Variants in CSMD1 observed in about 807,000 individuals in gnomAD.
The protein encoded by CSMD1 is CUB and Sushi multiple domains 1.
CSMD1 carries 213 observed loss-of-function variants against 417.5 expected under a neutral mutation model. The observed-to-expected ratio is 0.51, with a 90% CI of 0.46 to 0.57. The LOEUF (loss-of-function observed/expected upper bound fraction) is 0.57, where lower values mean the gene tolerates loss of function less well. CSMD1 is among the 20% of genes least tolerant of loss of function. The pLI is 0.00. For missense variants in CSMD1, 6,923 were observed against 4,529.7 expected (o/e 1.53, Z -15.17); for synonymous variants, 2,862 against 1,736.8 (o/e 1.65, Z -16.11).
intron 5 of CSMD1, among the ~76,000 whole-genome samples, chr8:3,854,445 C>A (rs138700902): frequency 3.3e-5 from 5 of 152,122 alleles, no homozygotes; most frequent in Non-Finnish European, 7.4e-5. Context: ...CCAAACAGTA[C>A]AACTTCAAAA....
chr8:4,368,516 C>T (rs1305218013), intron 3 of CSMD1, among the ~76,000 whole-genome samples: 1 of 152,104 alleles, frequency 6.6e-6, no homozygotes, highest in Non-Finnish European at 1.5e-5. Flanking sequence ...CCCTCTTTCT[C>T]AAATTTTTGG....
At chr8:4,983,196 A>G (rs1810992213) in intron 1 of CSMD1, among the ~76,000 whole-genome samples, 1 of 152,224 alleles carries the variant, frequency 6.6e-6, no homozygotes, top group Admixed American at 6.5e-5. Flanking sequence ...TATGTTGACA[A>G]GTTCTAGTCT....
chr8:4,934,688 TTATAATC>T (rs1807479472), intron 1 of CSMD1, among the ~76,000 whole-genome samples: 2 of 152,310 alleles, frequency 1.3e-5, no homozygotes, highest in South Asian at 4.1e-4. Context: ...ATCCATCTAC[TTATAATC>T]TATAATCTAT....
intron 11 of CSMD1, among the ~76,000 whole-genome samples, chr8:3,490,907 AAG>A (rs1818336271): frequency 6.6e-6 from 1 of 152,196 alleles, no homozygotes; most frequent in South Asian, 2.1e-4. Context: ...GTCAACAAAA[AAG>A]AGTCATTATT....
intron 2 of CSMD1, among the ~76,000 whole-genome samples, chr8:4,494,462 T>C (rs1030809191): frequency 6.6e-6 from 1 of 152,226 alleles, no homozygotes; most frequent in Non-Finnish European, 1.5e-5. Flanking sequence ...AACATTATTA[T>C]ACTTTCATGT....
intron 26 of CSMD1, among the ~76,000 whole-genome samples, chr8:3,230,695 G>T (rs79735704): frequency 0.02 from 3,017 of 152,184 alleles, 113 homozygotes; most frequent in African/African-American, 0.068. Context: ...AGATGCCAAG[G>T]GTGGAAGGTC....
At chr8:3,037,291 C>CATCTCCT in intron 50 of CSMD1, among the ~76,000 whole-genome samples, 1 of 95,846 alleles carries the variant, frequency 1.0e-5, no homozygotes, top group Non-Finnish European at 2.8e-5. Flanking sequence ...CTGCAAGCTC[C>CATCTCCT]GCCTCCTGGG....
Position 2,951,275 on chromosome 8 carries a change from A to T in CSMD1, c.10040T>A (p.Val3347Asp). 1 of 1,601,270 alleles carries T rather than the reference A, an allele frequency of 6.2e-7. No individual in the cohort carries two copies. Among genetic ancestry groups the T allele is most frequent in the Non-Finnish European group, 8.5e-7 (1 of 1,173,250 alleles). ...ATTGACGAAAAAGACATCTGAAGGA[A>T]CTGTGGGAAGGGGGGAAACAGACCA... is the stretch of plus-strand genomic sequence containing the variant. Reference protein sequence around the residue: ...EVNETVTKTPVPSDVFFVNSL... With the variant: ...EVNETVTKTPDPSDVFFVNSL... The change falls in exon 66 of 70, where the codon GTT becomes GAT. Residue 3347 changes from valine (V) to aspartate (D), a missense_variant and splice_region_variant. Physicochemically the swap from Val to Asp is radical, Grantham distance 152. Coordinates refer to ENST00000635120, the MANE Select transcript of CSMD1 (RefSeq NM_033225.6).
rs956290355 is a variant in CSMD1 at position 4,488,904 on chromosome 8, C to A, written c.303-68839G>T. ...TCCTGCAGAATGTGCATGCCTTCAGCAATTACTAAACATTTTTTTATTTTT... is the reference window on the plus strand; with the variant it reads ...TCCTGCAGAATGTGCATGCCTTCAGAAATTACTAAACATTTTTTTATTTTT... On this transcript the variant is annotated intron_variant, in intron 2 of 69. Transcript: ENST00000635120. Among the ~76,000 whole-genome samples the A allele has an allele frequency of 3.3e-5, 5 of 152,142 alleles. 1 individual carries two copies. Among genetic ancestry groups the A allele is most frequent in the Admixed American group, 1.3e-4 (2 of 15,282 alleles).
At chr8:3,491,176 G>A (rs6985022) in intron 11 of CSMD1, among the ~76,000 whole-genome samples, 1 of 152,022 alleles carries the variant, frequency 6.6e-6, no homozygotes, top group African/African-American at 2.4e-5. Context: ...GACTGTCAAA[G>A]GGAACCAGGT....
chr8:3,396,012 A>C (rs746844806), intron 17 of CSMD1, among the ~76,000 whole-genome samples, 182 bp downstream of exon 17: 1 of 152,350 alleles, frequency 6.6e-6, no homozygotes, highest in Admixed American at 6.5e-5. Context: ...AAAAGGCAGT[A>C]ATTCCAAGAT....
At chr8:4,344,163 T>C (rs945064997) in intron 3 of CSMD1, among the ~76,000 whole-genome samples, 4 of 152,156 alleles carry the variant, frequency 2.6e-5, no homozygotes, top group Admixed American at 2.6e-4. Context: ...CTTGTTAATC[T>C]GCTTTTTCAT....
At chr8:3,900,554 T>C (rs1356520086) in intron 5 of CSMD1, among the ~76,000 whole-genome samples, 1 of 151,630 alleles carries the variant, frequency 6.6e-6, no homozygotes, top group East Asian at 1.9e-4. Flanking sequence ...TAGGTGACAG[T>C]GCAGATGGGT....
At chr8:3,866,345 C>G (rs561982724) in intron 5 of CSMD1, among the ~76,000 whole-genome samples, 2 of 152,118 alleles carry the variant, frequency 1.3e-5, no homozygotes, top group Admixed American at 6.5e-5. Flanking sequence ...GCATTTCTGT[C>G]CTTTTACTGG....
At chr8:3,593,435 G>A (rs1477615142) in intron 8 of CSMD1, among the ~76,000 whole-genome samples, 1 of 152,188 alleles carries the variant, frequency 6.6e-6, no homozygotes, top group African/African-American at 2.4e-5. Context: ...AGAGGCCTAG[G>A]AAAGGTTATG....
At position 3,934,939 on chromosome 8, in the gene CSMD1, A is replaced by C. The variant is rs111513060; in HGVS notation, c.818+62964T>G. Among the ~76,000 whole-genome samples, 757 of 152,290 alleles carry C rather than the reference A, an allele frequency of 5.0e-3. 9 individuals are homozygous for C. Among genetic ancestry groups the C allele is most frequent in the African/African-American group, 0.017 (720 of 41,558 alleles). On this transcript the variant is annotated intron_variant, in intron 5 of 69. Coordinates refer to ENST00000635120, the MANE Select transcript of CSMD1 (RefSeq NM_033225.6). ...TTATAAGTACGGGAGTAGAGGGCAT[A>C]TAAAAGTAATATTTACAAAAAACTA...
intron 10 of CSMD1, among the ~76,000 whole-genome samples, chr8:3,560,521 G>C (rs969174535): frequency 1.3e-5 from 2 of 152,116 alleles, no homozygotes; most frequent in Admixed American, 1.3e-4. Flanking sequence ...GACCTTGAAA[G>C]CATGTATTTG....
At chr8:4,383,211 A>G (rs1464490803) in intron 3 of CSMD1, among the ~76,000 whole-genome samples, 1 of 152,168 alleles carries the variant, frequency 6.6e-6, no homozygotes, top group Non-Finnish European at 1.5e-5. Flanking sequence ...GTACTGACCC[A>G]GTATGTTAAT....
chr8:3,470,891 G>A lies in CSMD1; in HGVS notation c.1449-2067C>T, dbSNP rs553002026. 3.3e-5 allele frequency among the ~76,000 whole-genome samples: 5 copies of A among 152,202 alleles called. No homozygotes were observed. The East Asian group carries it at 7.7e-4, about 24-fold the overall frequency. On this transcript the variant is annotated intron_variant, in intron 11 of 69. Coordinates refer to ENST00000635120, the MANE Select transcript of CSMD1 (RefSeq NM_033225.6). The stretch of plus-strand genomic sequence containing the variant: ...TCGCTGGGTAGTATGTCATGTTGTG[G>A]ATATACCACAGCTTGCTTAATTAAC...
Sources: gnomAD v4.1 joint callset for allele counts (sites outside exome capture counted in the v4.1 genomes callset) on GRCh38, gnomAD v4.1.1 for gene constraint, MANE v1.5 for transcripts, NCBI Gene and HGNC (gene_info 2026-07-23, HGNC 2026-07-21) for gene names.